The following MEIKIN variants were observed in gnomAD, a reference collection of about 807,000 sequenced individuals.
MEIKIN encodes the protein meiosis-specific kinetochore protein.
chr5:131,911,930 T>G (rs1387000173), intron 7 of MEIKIN, 51 bp from the exon 8 acceptor site: 2 of 396,712 alleles, frequency 5.0e-6, no homozygotes, highest in Non-Finnish European at 8.9e-6. Context: ...CTTCAGTAAC[T>G]TTCAAAAACC....
chr5:131,851,257 A>C lies in MEIKIN; in HGVS notation c.975+7T>G. 1 of 397,882 alleles carries C rather than the reference A, an allele frequency of 2.5e-6. No individual in the cohort carries two copies. The highest frequency in any genetic ancestry group is 4.4e-6 in the Non-Finnish European group (1 of 225,332). The allele number at this position is 397,882 out of a possible 1,614,324, so 24.6% of individuals were successfully genotyped here. ...TTAGTAATTGAAGGAAAAATGGAAA[A>C]TACTACCTCATTTGAAGAATTTTCC... On this transcript the variant is annotated splice_region_variant and intron_variant, in intron 11 of 12. Coordinates refer to ENST00000442687, the MANE Select transcript of MEIKIN (RefSeq NM_001303622.2).
At chr5:131,944,281 G>A (rs1330039177) in intron 3 of MEIKIN, 1 of 155,688 alleles carries the variant, frequency 6.4e-6, no homozygotes, top group East Asian at 1.9e-4. Flanking sequence ...ATATTCTAAT[G>A]AATAAACATT....
chr5:131,872,486 T>C (rs1580882929), intron 9 of MEIKIN, among the ~76,000 whole-genome samples: 2 of 152,282 alleles, frequency 1.3e-5, no homozygotes, highest in South Asian at 4.1e-4. Flanking sequence ...TTCCAAGAAA[T>C]ATGTGACTAT....
At chr5:131,836,590 C>T (rs1187759320) in intron 11 of MEIKIN, among the ~76,000 whole-genome samples, 4 of 152,122 alleles carry the variant, frequency 2.6e-5, no homozygotes, top group Non-Finnish European at 5.9e-5. Context: ...AATTGCCATT[C>T]TAACTGGTGT....
At position 131,856,935 on chromosome 5, in the gene MEIKIN, CT is replaced by C. The variant is rs58456739; in HGVS notation, c.775-2102del. ...TAAACTGTTCTACCTGCATTGCTTT[CT>C]TTTTTTTTTCTTTTTATTTATTTAT... On this transcript the variant is annotated intron_variant, in intron 9 of 12. Coordinates refer to ENST00000442687, the MANE Select transcript of MEIKIN (RefSeq NM_001303622.2). Among the ~76,000 whole-genome samples the C allele has an allele frequency of 5.3e-3, 785 of 147,294 alleles. 3 individuals are homozygous for C. Among genetic ancestry groups the C allele is most frequent in the African/African-American group, 0.018 (726 of 40,256 alleles).
intron 5 of MEIKIN, among the ~76,000 whole-genome samples, chr5:131,930,338 A>G (rs562939180): frequency 6.6e-6 from 1 of 152,056 alleles, no homozygotes; most frequent in Non-Finnish European, 1.5e-5. Context: ...TTTTAATAGG[A>G]TCGTTTTTTT....
chr5:131,936,153 A>C (rs1170112552), intron 4 of MEIKIN, among the ~76,000 whole-genome samples: 1 of 152,230 alleles, frequency 6.6e-6, no homozygotes, highest in Non-Finnish European at 1.5e-5. Flanking sequence ...GAGTAGAAAA[A>C]ATAATAAATG....
rs542915631 is a variant in MEIKIN at position 131,831,856 on chromosome 5, G to A, written c.976-12993C>T. On this transcript the variant is annotated intron_variant, in intron 11 of 12. Coordinates refer to ENST00000442687, the MANE Select transcript of MEIKIN (RefSeq NM_001303622.2). ...CCCTGATAAACTCATCAGATCTTGT[G>A]AGGCTTATTCACTATCACAAGAACA... Among the ~76,000 whole-genome samples, 6 of 152,254 alleles carry A rather than the reference G, an allele frequency of 3.9e-5. No homozygotes were observed. In the East Asian group the frequency reaches 1.2e-3, roughly 29 times the overall value.
At chr5:131,871,695 GCCT>G (rs1370220892) in intron 9 of MEIKIN, among the ~76,000 whole-genome samples, 2 of 152,224 alleles carry the variant, frequency 1.3e-5, no homozygotes, top group Non-Finnish European at 2.9e-5. Context: ...TGGGTAGACT[GCCT>G]CCTCAAGTGG....
chr5:131,923,013 T>C (rs1202016400), intron 5 of MEIKIN, among the ~76,000 whole-genome samples: 1 of 152,166 alleles, frequency 6.6e-6, no homozygotes, highest in Non-Finnish European at 1.5e-5. Context: ...TGCCTCAGAC[T>C]CCTGAGTAGC....
chr5:131,938,392 T>C (rs1751817543), intron 4 of MEIKIN, among the ~76,000 whole-genome samples: 1 of 152,098 alleles, frequency 6.6e-6, no homozygotes. Context: ...GGTCTCGATC[T>C]CCTAGGCTCA....
At chr5:131,897,741 G>T (rs775158520) in intron 8 of MEIKIN, among the ~76,000 whole-genome samples, 12 of 152,226 alleles carry the variant, frequency 7.9e-5, no homozygotes, top group Non-Finnish European at 1.5e-4. Flanking sequence ...GCTCCATCAG[G>T]TCATTTTAGG....
rs138390901 is a variant in MEIKIN, at chr5:131,943,916, G to A, written c.288+749C>T. 2.4e-4 allele frequency among the ~76,000 whole-genome samples: 36 copies of A among 152,126 alleles called. 1 individual carries two copies. In the East Asian group the frequency reaches 6.4e-3, roughly 27 times the overall value. Reference sequence around the variant, plus strand: ...GCAGATCACTTGAGGTCAGGAGTTCGAGACCAGCCTGGCCAACCTGGAGAA... The same window carrying A: ...GCAGATCACTTGAGGTCAGGAGTTCAAGACCAGCCTGGCCAACCTGGAGAA... On this transcript the variant is annotated intron_variant, in intron 3 of 12. Coordinates refer to ENST00000442687, the MANE Select transcript of MEIKIN (RefSeq NM_001303622.2).
At chr5:131,865,388 T>G (rs550675228) in intron 9 of MEIKIN, among the ~76,000 whole-genome samples, 4 of 151,816 alleles carry the variant, frequency 2.6e-5, no homozygotes, top group Non-Finnish European at 4.4e-5. Context: ...CCCGGCTAAT[T>G]TTTTGTATTT....
chr5:131,902,857 T>C (rs770814291), intron 8 of MEIKIN, among the ~76,000 whole-genome samples: 8 of 152,096 alleles, frequency 5.3e-5, no homozygotes, highest in Non-Finnish European at 7.3e-5. Context: ...ACGAGGATCA[T>C]CGACATACAG....
intron 9 of MEIKIN, among the ~76,000 whole-genome samples, chr5:131,869,795 T>C (rs1017597074): frequency 1.3e-5 from 2 of 152,318 alleles, no homozygotes; most frequent in South Asian, 2.1e-4. Context: ...CAACACTGTT[T>C]AGGTTTTCCT....
At chr5:131,815,108 T>C (rs1019375157) in intron 12 of MEIKIN, among the ~76,000 whole-genome samples, 2 of 94,888 alleles carry the variant, frequency 2.1e-5, no homozygotes, top group Admixed American at 2.1e-4. Flanking sequence ...TCTCATGGAA[T>C]GCTTTACCCA....
At chr5:131,860,193 T>A (rs756756980) in intron 9 of MEIKIN, among the ~76,000 whole-genome samples, 1 of 151,998 alleles carries the variant, frequency 6.6e-6, no homozygotes, top group Non-Finnish European at 1.5e-5. Flanking sequence ...GAGCATGAGA[T>A]GTCTTGTTTC....
At chr5:131,847,223 A>G (rs1376664112) in intron 11 of MEIKIN, among the ~76,000 whole-genome samples, 1 of 152,172 alleles carries the variant, frequency 6.6e-6, no homozygotes, top group African/African-American at 2.4e-5. Flanking sequence ...AGTATTTTAA[A>G]TAAACAAATT....
Sources: gnomAD v4.1 joint callset for allele counts (sites outside exome capture counted in the v4.1 genomes callset) on GRCh38, gnomAD v4.1.1 for gene constraint, MANE v1.5 for transcripts, NCBI Gene and HGNC (gene_info 2026-07-23, HGNC 2026-07-21) for gene names.